Variants in CD22 observed in about 807,000 individuals in gnomAD.
CD22 encodes the protein CD22 molecule, also known as B-cell receptor CD22.
A neutral mutation model predicts 94.7 loss-of-function variants in CD22; 51 were observed. The ratio of observed to expected loss-of-function variants is 0.54; its 90% CI spans 0.43 to 0.68. CD22 has a LOEUF of 0.68. Among genes scored for constraint, CD22 ranks in the 30% least tolerant of loss-of-function variants. The pLI is 0.00. For synonymous variants in CD22, 424 were observed against 422.5 expected (o/e 1.00, Z -0.04); for missense variants, 931 against 1,060.4 (o/e 0.88, Z 1.69).
intron 9 of CD22, 79 bp downstream of exon 9, chr19:35,342,044 TCC>T: frequency 1.8e-6 from 2 of 1,111,522 alleles, no homozygotes; most frequent in South Asian, 1.7e-5. Context: ...CTTCCTTCCT[TCC>T]TTCCTTCCTT....
chr19:35,345,937 T>C (rs767949481), intron 12 of CD22, among the ~76,000 whole-genome samples: 1 of 152,188 alleles, frequency 6.6e-6, no homozygotes, highest in Non-Finnish European at 1.5e-5. Context: ...TCCGTTCTTA[T>C]CACAAAGATC....
Position 35,337,787 on chromosome 19 carries a change from A to G in CD22, c.751A>G (p.Ser251Gly). Residue 251 changes from serine (S) to glycine (G), a missense_variant, in exon 5 of 14, where the codon AGT becomes GGT. Ser to Gly is a moderately conservative substitution (Grantham distance 56). Coordinates refer to ENST00000085219, the MANE Select transcript of CD22 (RefSeq NM_001771.4). The surrounding 1 kb of genome is among the most constrained non-coding windows in gnomAD (Gnocchi z 4.4). ...GAAGTTGGAGATCAAGGTCACTCCC[A>G]GTGATGCCATAGTGAGGGAGGGGGA... ...TPKLEIKVTP[S>G]DAIVREGDSV... is the part of the protein sequence containing the mutation. 2 of 1,609,288 alleles carry G rather than the reference A, an allele frequency of 1.2e-6. No homozygotes were observed. Among genetic ancestry groups the G allele is most frequent in the Non-Finnish European group, 1.7e-6 (2 of 1,176,208 alleles).
intron 2 of CD22, chr19:35,332,280 AT>A (rs1040441377): frequency 3.1e-6 from 2 of 645,322 alleles, no homozygotes; most frequent in Non-Finnish European, 5.3e-6. Flanking sequence ...GTATCTCTGT[AT>A]TTCTCCCACT....
At chr19:35,331,474 G>A (rs948250762) in intron 1 of CD22, among the ~76,000 whole-genome samples, 4 of 152,178 alleles carry the variant, frequency 2.6e-5, no homozygotes, top group Admixed American at 6.5e-5. Flanking sequence ...AGGAAGGAAG[G>A]AAGAAAGGAA....
At chr19:35,344,605 G>A (rs190331272) in intron 9 of CD22, 203 of 528,264 alleles carry the variant, frequency 3.8e-4, no homozygotes, top group African/African-American at 3.5e-3. Flanking sequence ...GGCGTGCCAC[G>A]TCTGTGGGAA....
intron 9 of CD22, among the ~76,000 whole-genome samples, chr19:35,342,756 C>G (rs1490000962): frequency 6.6e-6 from 1 of 152,178 alleles, no homozygotes; most frequent in Non-Finnish European, 1.5e-5. Context: ...CTCTCTCTCT[C>G]TGACTACTCT....
At chr19:35,330,370 T>A (rs2066628692) in intron 1 of CD22, among the ~76,000 whole-genome samples, 1 of 152,072 alleles carries the variant, frequency 6.6e-6, no homozygotes, top group South Asian at 2.1e-4. Context: ...ACTTAACTCT[T>A]TTACCCTGCC....
intron 3 of CD22, among the ~76,000 whole-genome samples, chr19:35,333,369 G>A (rs910892751): frequency 6.6e-6 from 1 of 152,174 alleles, no homozygotes; most frequent in African/African-American, 2.4e-5. Flanking sequence ...ACTTAGGGCT[G>A]CTCAGAGCTC....
Position 35,341,473 on chromosome 19 carries a change from T to C in CD22, c.1638T>C (p.Asn546=). ...AAGTCCAGTTCTTCTGGGAGAAAAATGGCAGGCTTCTGGGGAAAGAAAGCC... is the reference window on the plus strand; with the variant it reads ...AAGTCCAGTTCTTCTGGGAGAAAAACGGCAGGCTTCTGGGGAAAGAAAGCC... The part of the protein sequence containing the change: ...PKEVQFFWEK[N]GRLLGKESQL... Residue 546 remains asparagine (N), a synonymous_variant, in exon 8 of 14, where the codon AAT becomes AAC. Transcript: ENST00000085219. The surrounding 1 kb of genome is among the most constrained non-coding windows in gnomAD (Gnocchi z 4.0). The C allele has an allele frequency of 6.2e-7, 1 of 1,613,940 alleles. No homozygotes were observed. The highest frequency in any genetic ancestry group is 8.5e-7 in the Non-Finnish European group (1 of 1,180,000).
At chr19:35,332,133 A>T in intron 2 of CD22, 59 bp downstream of exon 2, 2 of 1,605,346 alleles carry the variant, frequency 1.2e-6, no homozygotes, top group South Asian at 1.1e-5. Context: ...GCACTGGAGG[A>T]GGAGGAAAGA....
Position 35,332,713 on chromosome 19 carries a change from C to T in CD22, c.201C>T (p.Asn67=). The change falls in exon 3 of 14, where the codon AAC becomes AAT. Residue 67 remains asparagine, a synonymous_variant. Coordinates refer to ENST00000085219, the MANE Select transcript of CD22 (RefSeq NM_001771.4). ...ILFHNPEYNK[N]TSKFDGTRLY... is the part of the protein sequence containing the mutation. ...TCCACAATCCTGAGTATAACAAGAA[C>T]ACCTCGAAGTTTGATGGGACAAGAC... The T allele has an allele frequency of 6.2e-7, 1 of 1,614,116 alleles. No homozygotes were observed. The highest frequency in any genetic ancestry group is 8.5e-7 in the Non-Finnish European group (1 of 1,180,030).
chr19:35,346,791 C>T lies in CD22; in HGVS notation c.*94C>T, dbSNP rs73031792. On this transcript the variant is annotated 3_prime_UTR_variant, in exon 14 of 14. Transcript: ENST00000085219. The stretch of plus-strand genomic sequence containing the variant: ...CACCGCCACATGGCTTCCTCCTGCG[C>T]GCATGTGCGCACACACACACACACA... The T allele has an allele frequency of 0.17, 201,974 of 1,155,452 alleles. 19,623 individuals carry two copies. The highest frequency in any genetic ancestry group is 0.22 in the South Asian group (14,769 of 65,832). The allele number at this position is 1,155,452 out of a possible 1,614,324, so 71.6% of individuals were successfully genotyped here. A position where few individuals can be genotyped will look rare whatever the true frequency, so the allele number is the denominator to read the frequency against.
intron 11 of CD22, 73 bp downstream of exon 11, chr19:35,345,199 C>A (rs952204543): frequency 9.0e-6 from 12 of 1,335,474 alleles, no homozygotes; most frequent in Non-Finnish European, 1.3e-5. Flanking sequence ...AGGTGGATCA[C>A]CTGAGGTCAG....
chr19:35,346,690 A>G lies in CD22; in HGVS notation c.2537A>G (p.Lys846Arg), dbSNP rs770583627. 14 of 1,608,514 alleles carry G rather than the reference A, an allele frequency of 8.7e-6. No individual in the cohort carries two copies. The highest frequency in any genetic ancestry group is 6.7e-5 in the Admixed American group (4 of 59,400). ...GAAAATGTGGACTATGTGATCCTCA[A>G]ACATTGACACTGGATGGGCTGCAGC... The part of the protein sequence containing the change: ...AQENVDYVIL[K>R]H The change falls in exon 14 of 14, where the codon AAA becomes AGA. Residue 846 changes from lysine (K) to arginine (R), a missense_variant. Physicochemically the swap from Lys to Arg is conservative, Grantham distance 26. Transcript: ENST00000085219.
chr19:35,345,419 TCAAAAAAAAAAA>T (rs2066889681), intron 11 of CD22, 171 bp from the exon 12 acceptor site: 1 of 174,698 alleles, frequency 5.7e-6, no homozygotes, highest in Admixed American at 1.3e-4. Flanking sequence ...AGACTCTGCC[TCAAAAAAAAAAA>T]AAAAAAAAAA....
rs751155158 is a variant in CD22, at chr19:35,341,831, A to G, written c.1901A>G (p.Asn634Ser). ...CACTACACCTGGTTTGACTGGAATA[A>G]CCAAAGCCTCCCCTACCACAGCCAG... Reference protein sequence around the residue: ...VSHYTWFDWNNQSLPYHSQKL... With the variant: ...VSHYTWFDWNSQSLPYHSQKL... Residue 634 changes from asparagine (N) to serine (S), a missense_variant, in exon 9 of 14, where the codon AAC (asparagine) becomes AGC (serine). By Grantham distance (46) the Asn-to-Ser change is conservative. Transcript: ENST00000085219. The surrounding 1 kb of genome is among the most constrained non-coding windows in gnomAD (Gnocchi z 4.0). 6.2e-7 allele frequency: 1 copy of G among 1,613,994 alleles called. No homozygotes were observed. Among genetic ancestry groups the G allele is most frequent in the Non-Finnish European group, 8.5e-7 (1 of 1,179,990 alleles).
chr19:35,339,476 G>A (rs2066774848), intron 6 of CD22, among the ~76,000 whole-genome samples: 1 of 151,990 alleles, frequency 6.6e-6, no homozygotes, highest in Non-Finnish European at 1.5e-5. Context: ...AGGATCACCT[G>A]AGCCTGGAAG....
Position 35,336,066 on chromosome 19 carries a change from C to T in CD22, c.443C>T (p.Pro148Leu). The T allele has an allele frequency of 6.2e-7, 1 of 1,613,888 alleles. No homozygotes were observed. The highest frequency in any genetic ancestry group is 8.5e-7 in the Non-Finnish European group (1 of 1,179,884). The change falls in exon 4 of 14, where the codon CCT (proline) becomes CTT (leucine). Residue 148 changes from proline (P) to leucine (L), a missense_variant. Pro to Leu is a moderately conservative substitution (Grantham distance 98, BLOSUM62 -3). Coordinates refer to ENST00000085219, the MANE Select transcript of CD22 (RefSeq NM_001771.4). Reference sequence around the variant, plus strand: ...CCTTTTCCACCTCATATCCAGCTCCCTCCAGAAATTCAAGAGTCCCAGGAA... The same window carrying T: ...CCTTTTCCACCTCATATCCAGCTCCTTCCAGAAATTCAAGAGTCCCAGGAA... ...ERPFPPHIQL[P>L]PEIQESQEVT...
rs759785914 is a variant in CD22, at chr19:35,341,407, G to A, written c.1572G>A (p.Ser524=). ...TTTCCGAGATTCACTCTGGAAACTC[G>A]GTCAGCCTCCAATGTGACTTCTCAA... ...KPLSEIHSGN[S]VSLQCDFSSS... is the part of the protein sequence containing the mutation. The change falls in exon 8 of 14, where the codon TCG becomes TCA. Residue 524 remains serine, a synonymous_variant. Transcript: ENST00000085219. This position sits in a 1 kb window ranked among gnomAD's most constrained non-coding sequence, Gnocchi z 4.0. 9 of 1,613,582 alleles carry A rather than the reference G, an allele frequency of 5.6e-6. No individual in the cohort carries two copies. The highest frequency in any genetic ancestry group is 1.6e-4 in the Middle Eastern group (1 of 6,084).
Sources: gnomAD v4.1 joint callset for allele counts (sites outside exome capture counted in the v4.1 genomes callset) on GRCh38, gnomAD v4.1.1 for gene constraint, Gnocchi (gnomAD v3.1) non-coding constraint, MANE v1.5 for transcripts, NCBI Gene and HGNC (gene_info 2026-07-23, HGNC 2026-07-21) for gene names.